The following MGAM variants were observed in gnomAD, a reference collection of about 807,000 sequenced individuals.
MGAM encodes the protein maltase-glucoamylase, also known as alpha-1,4-glucosidase.
Under a neutral mutation model 358.8 loss-of-function variants are expected in MGAM, and 253 were observed. The observed-to-expected ratio is 0.71, with a 90% CI of 0.64 to 0.78. The LOEUF (loss-of-function observed/expected upper bound fraction) is 0.78. Ranked by LOEUF, MGAM falls within the 30% of genes least tolerant of loss-of-function variation. MGAM has a pLI of 0.00. For missense variants in MGAM, 3,080 were observed against 3,432.6 expected, an observed-to-expected ratio of 0.90 and a Z score of 2.57; for synonymous variants, 1,105 against 1,227.1, an observed-to-expected ratio of 0.90 and a Z score of 2.08.
chr7:142,005,676 G>A lies in MGAM; in HGVS notation c.127+19G>A. The A allele has an allele frequency of 6.3e-7, 1 of 1,594,980 alleles. No individual in the cohort carries two copies. Among genetic ancestry groups the A allele is most frequent in the Non-Finnish European group, 8.5e-7 (1 of 1,170,320 alleles). ...TCAACAGGTAAGAAGTAACTCTGGG[G>A]CTCTCTCCATATGTTGTTTTTATTA... On this transcript the variant is annotated intron_variant, in intron 2 of 70. Transcript: ENST00000475668.
Position 142,102,639 on chromosome 7 carries a change from G to A in MGAM, c.7973G>A (p.Gly2658Glu), listed in dbSNP as rs868728160. ...WDDGQSIDTYGKGLYYLASFS... is the reference protein window; with the variant it reads ...WDDGQSIDTYEKGLYYLASFS... ...TGTTTTTTGTTTGCAGATACCTATG[G>A]GAAAGGACTCTATTACTTGGCCAGC... The change falls in exon 69 of 71, where the codon GGG (glycine) becomes GAG (glutamate). Residue 2658 changes from glycine (G) to glutamate (E), a missense_variant. Physicochemically the swap from Gly to Glu is moderately conservative, Grantham distance 98. This residue lies in a region of MGAM where 194 missense variants were observed against 172.8 expected (regional missense o/e 1.12). Transcript: ENST00000475668. 1 of 1,613,356 alleles carries A rather than the reference G, an allele frequency of 6.2e-7. No homozygotes were observed. The highest frequency in any genetic ancestry group is 8.5e-7 in the Non-Finnish European group (1 of 1,179,632).
intron 1 of MGAM, 44 bp from the exon 2 acceptor site, chr7:142,005,485 G>A (rs1486308288): frequency 2.2e-6 from 3 of 1,383,182 alleles, no homozygotes; most frequent in African/African-American, 3.0e-5. Context: ...TAGTTATATA[G>A]TAAATCAAAT....
chr7:142,061,670 A>G (rs1812216632), intron 34 of MGAM, among the ~76,000 whole-genome samples: 1 of 152,074 alleles, frequency 6.6e-6, no homozygotes, highest in Admixed American at 6.5e-5. Flanking sequence ...CACTCTTACA[A>G]TGGTGTGATT....
At chr7:141,987,716 C>T (rs910258539) in intron 2 of MGAM, among the ~76,000 whole-genome samples, 19 of 152,070 alleles carry the variant, frequency 1.2e-4, no homozygotes, top group Non-Finnish European at 1.6e-4. Context: ...GAGGGATTCC[C>T]GTTTGGGAGA....
In MGAM at chr7:142,067,424, G is replaced by C; in HGVS notation, c.5003G>C (p.Arg1668Pro). ...PAFLVSPVLERNARNVTAYFP... is the reference protein window; with the variant it reads ...PAFLVSPVLEPNARNVTAYFP... The stretch of plus-strand genomic sequence containing the variant: ...TTCCTGGTCAGCCCTGTCCTGGAGC[G>C]CGTGAGTATGGAGGCCTCCGATGAG... The change falls in exon 42 of 71, where the codon CGC becomes CCC. Residue 1668 changes from arginine to proline, a missense_variant and splice_region_variant. Arg to Pro is a moderately radical substitution (Grantham distance 103, BLOSUM62 -2). Transcript: ENST00000475668. 7 of 1,551,594 alleles carry C rather than the reference G, an allele frequency of 4.5e-6. No individual in the cohort carries two copies. Among genetic ancestry groups the C allele is most frequent in the Non-Finnish European group, 6.2e-6 (7 of 1,129,360 alleles).
chr7:142,048,347 A>C (rs748968496), intron 22 of MGAM, among the ~76,000 whole-genome samples: 1 of 151,218 alleles, frequency 6.6e-6, no homozygotes, highest in Non-Finnish European at 1.5e-5. Context: ...ATGAGGTTTC[A>C]CCGTGTTAGC....
intron 21 of MGAM, among the ~76,000 whole-genome samples, chr7:142,041,729 C>T (rs987222292): frequency 2.0e-5 from 3 of 149,566 alleles, no homozygotes; most frequent in Non-Finnish European, 4.4e-5. Flanking sequence ...GGCTTTTGCA[C>T]TTATCCTTTC....
intron 32 of MGAM, 40 bp downstream of exon 32, chr7:142,059,640 A>C: frequency 6.2e-7 from 1 of 1,608,098 alleles, no homozygotes; most frequent in Non-Finnish European, 8.5e-7. Flanking sequence ...GTTTGGGAGC[A>C]GGTATGGGCT....
intron 57 of MGAM, among the ~76,000 whole-genome samples, chr7:142,090,423 T>G (rs1815268902): frequency 1.4e-5 from 2 of 145,644 alleles, no homozygotes; most frequent in South Asian, 4.4e-4. Flanking sequence ...AAAGATTCTC[T>G]TTGTCAGGTT....
chr7:142,067,943 TATATATATATATATATATATAA>T (rs1212780218), intron 42 of MGAM, among the ~76,000 whole-genome samples: 2 of 37,258 alleles, frequency 5.4e-5, no homozygotes, highest in African/African-American at 1.5e-4. Flanking sequence ...CAAATATATA[TATATATATATATATATATATAA>T]ATATATATAT....
chr7:142,041,905 TTATATATATACGTATAATATATAATATA>T (rs1214455365), intron 21 of MGAM, among the ~76,000 whole-genome samples: 4,369 of 26,656 alleles, frequency 0.16, 759 homozygotes, highest in African/African-American at 0.39. Context: ...AATATATATA[TTATATATATACGTATAATATATAATATA>T]TATATTATAT....
intron 1 of MGAM, among the ~76,000 whole-genome samples, chr7:141,999,234 T>C (rs1563098285): frequency 6.6e-6 from 1 of 152,202 alleles, no homozygotes; most frequent in Non-Finnish European, 1.5e-5. Context: ...GTTTAGATAA[T>C]GATGAATGAT....
upstream of MGAM, among the ~76,000 whole-genome samples, chr7:141,994,269 G>A (rs1297603717): frequency 2.6e-5 from 4 of 152,202 alleles, no homozygotes; most frequent in Non-Finnish European, 4.4e-5. Context: ...GAGAACAGCA[G>A]GCATTGCAGT....
rs570301057 is a variant in MGAM at position 142,066,852 on chromosome 7, G to A, written c.4919+131G>A. Reference sequence around the variant, plus strand: ...TTGACATGAGCTCTTCAGACACAAAGTATACCTGATTACTGTCTTTAGCAC... The same window carrying A: ...TTGACATGAGCTCTTCAGACACAAAATATACCTGATTACTGTCTTTAGCAC... On this transcript the variant is annotated intron_variant, in intron 41 of 70. Coordinates refer to ENST00000475668, the MANE Select transcript of MGAM (RefSeq NM_001365693.1). 4.5e-5 allele frequency: 51 copies of A among 1,135,830 alleles called. No individual in the cohort carries two copies. In the African/African-American group the frequency reaches 6.2e-4, roughly 14 times the overall value. The allele number at this position is 1,135,830 out of a possible 1,614,324, so 70.4% of individuals were successfully genotyped here. A position where few individuals can be genotyped will look rare whatever the true frequency, so the allele number is the denominator to read the frequency against.
chr7:142,037,570 A>G (rs1200071531), intron 18 of MGAM, among the ~76,000 whole-genome samples: 1 of 152,190 alleles, frequency 6.6e-6, no homozygotes, highest in Non-Finnish European at 1.5e-5. Context: ...TCAGGCACGT[A>G]TCAGGCTATT....
rs1386263812 is a variant in MGAM at position 142,045,571 on chromosome 7, A to ATG, written c.2499-2213_2499-2212insGT. ...TACATACAATATATGAATATATAATATATATTATATATACATACAATATAT... is the reference window on the plus strand; with the variant it reads ...TACATACAATATATGAATATATAATATGTATATTATATATACATACAATATAT... On this transcript the variant is annotated intron_variant, in intron 21 of 70. Transcript: ENST00000475668. Among the ~76,000 whole-genome samples, 2 of 110,488 alleles carry ATG rather than the reference A, an allele frequency of 1.8e-5. 1 individual carries two copies. The highest frequency in any genetic ancestry group is 5.0e-4 in the South Asian group (2 of 4,000). 72.5% of individuals were successfully genotyped at this position (110,488 alleles called of 152,430 possible). A position where few individuals can be genotyped will look rare whatever the true frequency, so the allele number is the denominator to read the frequency against.
At chr7:142,104,532 T>C (rs1816690302) in intron 70 of MGAM, among the ~76,000 whole-genome samples, 1 of 152,114 alleles carries the variant, frequency 6.6e-6, no homozygotes, top group Non-Finnish European at 1.5e-5. Context: ...GTCTATGAAG[T>C]TTTTTTCCTG....
At chr7:142,068,234 T>A (rs1813018232) in intron 42 of MGAM, among the ~76,000 whole-genome samples, 1 of 139,554 alleles carries the variant, frequency 7.2e-6, no homozygotes, top group Admixed American at 7.5e-5. Flanking sequence ...CCTGACCTCA[T>A]GATCTGCCTG....
At chr7:142,058,866 A>G (rs1273624726) in intron 31 of MGAM, among the ~76,000 whole-genome samples, 5 of 152,228 alleles carry the variant, frequency 3.3e-5, no homozygotes, top group Non-Finnish European at 7.3e-5. Flanking sequence ...CCCAGTCATC[A>G]GAGAATTGAT....
Sources: allele counts gnomAD v4.1 joint callset (sites outside exome capture counted in the v4.1 genomes callset), GRCh38; gene constraint gnomAD v4.1.1; regional missense constraint gnomAD v4.1.1; transcripts MANE v1.5; gene names NCBI Gene and HGNC (gene_info 2026-07-23, HGNC 2026-07-21).